ASRGL1: variants seen among roughly 807,000 people sequenced by gnomAD.
The protein encoded by ASRGL1 is isoaspartyl peptidase/L-asparaginase.
Under a neutral mutation model 22.4 loss-of-function variants are expected in ASRGL1, and 16 were observed. The observed-to-expected ratio is 0.71, with a 90% confidence interval of 0.48 to 1.08. ASRGL1 has a LOEUF of 1.08. Ranked by LOEUF, ASRGL1 falls within the 50% of genes least tolerant of loss-of-function variation. ASRGL1 has a pLI of 0.00. For synonymous variants in ASRGL1, 165 were observed against 159.3 expected, an observed-to-expected ratio of 1.04 and a Z score of -0.27; for missense variants, 412 against 410.1, an observed-to-expected ratio of 1.00 and a Z score of -0.04.
Position 62,346,231 on chromosome 11 carries a change from C to T in ASRGL1, c.190+8064C>T, listed in dbSNP as rs1313773870. Among the ~76,000 whole-genome samples the T allele has an allele frequency of 2.0e-5, 3 of 152,122 alleles. No homozygotes were observed. The East Asian group carries it at 5.8e-4, about 29-fold the overall frequency. ...ATTCAGTTAATTTGCTAGGGTAGCT[C>T]ACAGAACTCAGAGAAATATATTTAC... On this transcript the variant is annotated intron_variant, in intron 2 of 6. Coordinates refer to ENST00000415229, the MANE Select transcript of ASRGL1 (RefSeq NM_001083926.2).
At chr11:62,368,235 A>G (rs1396236011) in intron 4 of ASRGL1, among the ~76,000 whole-genome samples, 4 of 152,186 alleles carry the variant, frequency 2.6e-5, no homozygotes, top group Non-Finnish European at 4.4e-5. Context: ...TATCATAGGT[A>G]TGTACATACA....
intron 2 of ASRGL1, among the ~76,000 whole-genome samples, chr11:62,348,127 A>G (rs1946075521): frequency 6.6e-6 from 1 of 152,192 alleles, no homozygotes; most frequent in Admixed American, 6.5e-5. Context: ...TGCATCGATT[A>G]TATGCAAATA....
chr11:62,367,820 T>A (rs1373940623), intron 4 of ASRGL1, among the ~76,000 whole-genome samples: 1 of 151,796 alleles, frequency 6.6e-6, no homozygotes, highest in African/African-American at 2.4e-5. Flanking sequence ...CACACGCCTT[T>A]AGTCCCAGCT....
intron 4 of ASRGL1, among the ~76,000 whole-genome samples, chr11:62,376,770 G>A (rs1443575946): frequency 6.6e-6 from 1 of 152,072 alleles, no homozygotes; most frequent in Non-Finnish European, 1.5e-5. Context: ...ACGGATTTAA[G>A]AATTTTTGGA....
chr11:62,389,098 C>T, intron 4 of ASRGL1, 35 bp from the exon 5 acceptor site: 1 of 1,553,674 alleles, frequency 6.4e-7, no homozygotes, highest in Non-Finnish European at 8.9e-7. Context: ...TTCTCATTTT[C>T]AGCCTGTCAC....
intron 4 of ASRGL1, among the ~76,000 whole-genome samples, chr11:62,368,608 G>A (rs1001003407): frequency 2.0e-5 from 3 of 152,088 alleles, no homozygotes; most frequent in Non-Finnish European, 2.9e-5. Context: ...CCAGGGGACC[G>A]GCGCTCAGCG....
chr11:62,362,640 ATATAT>A (rs1946490819), intron 4 of ASRGL1, among the ~76,000 whole-genome samples: 1 of 20,858 alleles, frequency 4.8e-5, no homozygotes, highest in Non-Finnish European at 1.0e-4. Context: ...AATATATATA[ATATAT>A]AATATATATT....
intron 4 of ASRGL1, 80 bp downstream of exon 4, chr11:62,357,224 C>CTTTTG (rs58891136): frequency 0.38 from 275,828 of 716,736 alleles, 58,151 homozygotes; most frequent in East Asian, 0.53. Context: ...ATCTACAGTT[C>CTTTTG]TTTTGTTTTG....
chr11:62,386,979 A>G (rs34075806), intron 4 of ASRGL1, among the ~76,000 whole-genome samples: 42,496 of 149,690 alleles, frequency 0.28, 6,076 homozygotes, highest in South Asian at 0.36. Flanking sequence ...TGCAGCCTCC[A>G]CCTCCTGGGT....
At chr11:62,395,476 A>T (rs954632475), downstream of ASRGL1, among the ~76,000 whole-genome samples, 2 of 152,146 alleles carry the variant, frequency 1.3e-5, no homozygotes, top group African/African-American at 4.8e-5. Flanking sequence ...CTGGGTAAGG[A>T]AGGGCCTTGA....
intron 2 of ASRGL1, among the ~76,000 whole-genome samples, chr11:62,346,326 G>A (rs1356294612): frequency 6.6e-6 from 1 of 152,118 alleles, no homozygotes; most frequent in Admixed American, 6.6e-5. Context: ...CATAGGGCAA[G>A]GTATGGGGGA....
Position 62,357,125 on chromosome 11 carries a change from C to G in ASRGL1, c.472C>G (p.Gln158Glu), listed in dbSNP as rs116195544. 764 of 1,613,248 alleles carry G rather than the reference C, an allele frequency of 4.7e-4. 1 individual carries two copies. Among genetic ancestry groups the G allele is most frequent in the African/African-American group, 4.0e-3 (296 of 74,822 alleles). ...LEKEKHEKGA[Q>E]KTDCQKNLGT... is the part of the protein sequence containing the mutation. ...AAAAGAGAAGCATGAAAAAGGTGCT[C>G]AGAAAACAGATTGTCAAAAGTAAGT... Residue 158 changes from glutamine (Q) to glutamate (E), a missense_variant, in exon 4 of 7, where the codon CAG becomes GAG. Transcript: ENST00000415229.
chr11:62,340,577 CAGCT>C (rs1945839689), intron 2 of ASRGL1, among the ~76,000 whole-genome samples: 1 of 152,190 alleles, frequency 6.6e-6, no homozygotes, highest in Admixed American at 6.5e-5. Context: ...GGAATTGGAG[CAGCT>C]AGTTCTCATT....
At chr11:62,396,338 TCACCC>T (rs897717026), downstream of ASRGL1, among the ~76,000 whole-genome samples, 46 of 151,660 alleles carry the variant, frequency 3.0e-4, no homozygotes, top group African/African-American at 1.1e-3. Flanking sequence ...CCTTTCCACC[TCACCC>T]CACCCCACAT....
At chr11:62,397,075 G>A (rs1341662793), downstream of ASRGL1, among the ~76,000 whole-genome samples, 1 of 152,152 alleles carries the variant, frequency 6.6e-6, no homozygotes, top group Non-Finnish European at 1.5e-5. Context: ...TGTTACCCAG[G>A]CTGGAGTGCA....
chr11:62,362,466 A>G (rs1276225398), intron 4 of ASRGL1, among the ~76,000 whole-genome samples: 1 of 120,538 alleles, frequency 8.3e-6, no homozygotes, highest in African/African-American at 3.1e-5. Context: ...AAATATATAT[A>G]TATTATATAA....
intron 4 of ASRGL1, among the ~76,000 whole-genome samples, chr11:62,375,833 C>T (rs72923236): frequency 0.038 from 5,839 of 151,988 alleles, 138 homozygotes; most frequent in Non-Finnish European, 0.048. Flanking sequence ...TGCAAGCGGC[C>T]AGGCATGGTG....
At chr11:62,352,536 A>G (rs558287591) in intron 2 of ASRGL1, among the ~76,000 whole-genome samples, 8 of 151,800 alleles carry the variant, frequency 5.3e-5, no homozygotes, top group African/African-American at 1.9e-4. Flanking sequence ...GTGAGCCGAG[A>G]TCACACCACG....
intron 4 of ASRGL1, among the ~76,000 whole-genome samples, chr11:62,380,179 C>T (rs184492382): frequency 7.9e-5 from 12 of 152,230 alleles, no homozygotes; most frequent in East Asian, 7.7e-4. Context: ...TAGGCTTTTA[C>T]GTACTCTGAG....
Sources: gnomAD v4.1 joint callset for allele counts (sites outside exome capture counted in the v4.1 genomes callset) on GRCh38, gnomAD v4.1.1 for gene constraint, MANE v1.5 for transcripts, NCBI Gene and HGNC (gene_info 2026-07-23, HGNC 2026-07-21) for gene names.